The following SRRM4 variants were observed in gnomAD, a reference collection of about 807,000 sequenced individuals.
The protein encoded by SRRM4 is serine/arginine repetitive matrix protein 4.
A neutral mutation model predicts 68.9 loss-of-function variants in SRRM4; 33 were observed. That is an observed-to-expected ratio of 0.48 (90% CI 0.36 to 0.64). SRRM4 has a LOEUF of 0.64. SRRM4 is among the 30% of genes least tolerant of loss of function. The pLI is 0.00. For synonymous variants in SRRM4, 318 were observed against 318.8 expected, an observed-to-expected ratio of 1.00 and a Z score of 0.03; for missense variants, 817 against 827.1, an observed-to-expected ratio of 0.99 and a Z score of 0.15.
At chr12:119,136,495 T>C (rs1305997037) in intron 8 of SRRM4, among the ~76,000 whole-genome samples, 1 of 151,556 alleles carries the variant, frequency 6.6e-6, no homozygotes, top group Non-Finnish European at 1.5e-5. Flanking sequence ...TTTTGTTTTG[T>C]TTAATGGGAA....
At chr12:119,156,326 T>A (rs939609477) in intron 12 of SRRM4, among the ~76,000 whole-genome samples, 169 bp from the exon 13 acceptor site, 1 of 152,192 alleles carries the variant, frequency 6.6e-6, no homozygotes, top group Non-Finnish European at 1.5e-5. Context: ...AAGCTGAGAC[T>A]TTTACTTTGA....
At chr12:119,122,172 C>T in intron 6 of SRRM4, 52 bp downstream of exon 6, 1 of 1,301,574 alleles carries the variant, frequency 7.7e-7, no homozygotes, top group Non-Finnish European at 1.1e-6. Context: ...GTTGGGGCAT[C>T]TGGCTTCTTA....
At chr12:119,114,915 C>T (rs906725094) in intron 3 of SRRM4, among the ~76,000 whole-genome samples, 4 of 151,842 alleles carry the variant, frequency 2.6e-5, no homozygotes, top group African/African-American at 9.7e-5. Context: ...CCGCCTGCCT[C>T]GGCCTTCCAA....
intron 2 of SRRM4, among the ~76,000 whole-genome samples, chr12:119,112,020 T>C (rs747466673): frequency 3.3e-5 from 5 of 150,618 alleles, no homozygotes; most frequent in Non-Finnish European, 7.4e-5. Context: ...CACTCCAGCC[T>C]AGGCAAGAGA....
intron 9 of SRRM4, among the ~76,000 whole-genome samples, chr12:119,146,358 G>A (rs1426155004): frequency 2.0e-5 from 3 of 152,054 alleles, no homozygotes; most frequent in African/African-American, 4.8e-5. Flanking sequence ...AGGCCGAGGC[G>A]GGTGGATCAC....
At chr12:119,000,791 T>A (rs1953378960) in intron 1 of SRRM4, 1 of 152,186 alleles carries the variant, frequency 6.6e-6, no homozygotes, top group Admixed American at 6.5e-5. Context: ...TGGAAGCTTA[T>A]CACTGTTCAT....
rs1470506899 is a variant in SRRM4, at chr12:119,160,068, C to A, written c.*3270C>A. On this transcript the variant is annotated 3_prime_UTR_variant, in exon 13 of 13. Transcript: ENST00000267260. ...TCTTGCCCTTTCCAAAGTCACTGTCCACTGCCTTGCAATTGCCAGCTTGTC... is the reference window on the plus strand; with the variant it reads ...TCTTGCCCTTTCCAAAGTCACTGTCAACTGCCTTGCAATTGCCAGCTTGTC... 1.3e-5 allele frequency: 2 copies of A among 152,284 alleles called. No homozygotes were observed. 9.4% of individuals were successfully genotyped at this position (152,284 alleles called of 1,614,324 possible). A position where few individuals can be genotyped will look rare whatever the true frequency, so the allele number is the denominator to read the frequency against.
chr12:119,139,939 G>A (rs924625602), intron 8 of SRRM4, among the ~76,000 whole-genome samples: 3 of 151,996 alleles, frequency 2.0e-5, no homozygotes, highest in Admixed American at 2.0e-4. Context: ...CAGGGTATAT[G>A]TGATGTTTCC....
chr12:119,113,815 G>A (rs1206533018), intron 2 of SRRM4, among the ~76,000 whole-genome samples: 7 of 152,186 alleles, frequency 4.6e-5, no homozygotes, highest in East Asian at 1.9e-4. Context: ...TACGTATCTC[G>A]TTACATTAGA....
At chr12:118,985,596 C>G (rs1353767337) in intron 1 of SRRM4, among the ~76,000 whole-genome samples, 4 of 152,164 alleles carry the variant, frequency 2.6e-5, no homozygotes, top group Non-Finnish European at 5.9e-5. Context: ...TATCTACCAG[C>G]CGGAAGGGAA....
intron 1 of SRRM4, among the ~76,000 whole-genome samples, chr12:119,066,872 TC>T (rs1215043297): frequency 6.6e-6 from 1 of 152,116 alleles, no homozygotes; most frequent in Non-Finnish European, 1.5e-5. Flanking sequence ...TAGCTCCCCC[TC>T]CCCCACATGA....
intron 8 of SRRM4, among the ~76,000 whole-genome samples, chr12:119,140,252 C>T (rs1203445202): frequency 6.6e-6 from 1 of 151,998 alleles, no homozygotes; most frequent in Non-Finnish European, 1.5e-5. Context: ...GTGGCAGGCA[C>T]CCGTAATCCC....
At chr12:119,064,030 C>T (rs906275892) in intron 1 of SRRM4, among the ~76,000 whole-genome samples, 3 of 152,278 alleles carry the variant, frequency 2.0e-5, no homozygotes, top group Admixed American at 6.5e-5. Flanking sequence ...AATACCCCCA[C>T]ATCTGGTTGA....
At chr12:119,076,329 GAA>G (rs11330499) in intron 1 of SRRM4, among the ~76,000 whole-genome samples, 16 of 151,462 alleles carry the variant, frequency 1.1e-4, no homozygotes, top group Middle Eastern at 3.4e-3. Flanking sequence ...TTTACAGATG[GAA>G]AAAAAAATGG....
At chr12:119,092,352 C>G (rs1954018939) in intron 1 of SRRM4, among the ~76,000 whole-genome samples, 1 of 152,120 alleles carries the variant, frequency 6.6e-6, no homozygotes, top group African/African-American at 2.4e-5. Flanking sequence ...GCTCATGTAC[C>G]CACTTGCCCA....
intron 2 of SRRM4, among the ~76,000 whole-genome samples, chr12:119,108,125 T>C (rs187808086): frequency 6.6e-6 from 1 of 152,354 alleles, no homozygotes; most frequent in East Asian, 1.9e-4. Context: ...TTGTGCAGTT[T>C]TGAGTGTGTC....
chr12:119,049,239 A>G (rs1016958150), intron 1 of SRRM4, among the ~76,000 whole-genome samples: 1 of 152,178 alleles, frequency 6.6e-6, no homozygotes, highest in Non-Finnish European at 1.5e-5. Context: ...TCACTCATGA[A>G]GTCACACTTG....
At chr12:119,061,146 G>A (rs889687336) in intron 1 of SRRM4, among the ~76,000 whole-genome samples, 1 of 152,132 alleles carries the variant, frequency 6.6e-6, no homozygotes, top group Non-Finnish European at 1.5e-5. Context: ...GAAGGTTGAA[G>A]GAATGAATAA....
chr12:119,152,818 T>A (rs1422374701), intron 10 of SRRM4, among the ~76,000 whole-genome samples: 1 of 152,146 alleles, frequency 6.6e-6, no homozygotes, highest in Non-Finnish European at 1.5e-5. Context: ...GTGGGAGGCA[T>A]TAACAGAAAG....
Sources: allele counts gnomAD v4.1 joint callset (sites outside exome capture counted in the v4.1 genomes callset), GRCh38; gene constraint gnomAD v4.1.1; transcripts MANE v1.5; gene names NCBI Gene and HGNC (gene_info 2026-07-23, HGNC 2026-07-21).